MEIKIN: variants seen among roughly 807,000 people sequenced by gnomAD.
MEIKIN encodes the protein meiotic kinetochore factor, also known as meiosis-specific kinetochore protein.
At chr5:131,862,675 G>A (rs113805194) in intron 9 of MEIKIN, among the ~76,000 whole-genome samples, 1,603 of 151,946 alleles carry the variant, frequency 0.011, 16 homozygotes, top group Admixed American at 0.015. Context: ...TTGGTGTTTC[G>A]TATTTCAATT....
chr5:131,820,910 T>G (rs1411370640), intron 11 of MEIKIN, among the ~76,000 whole-genome samples: 1 of 152,160 alleles, frequency 6.6e-6, no homozygotes, highest in Non-Finnish European at 1.5e-5. Flanking sequence ...TTTTTCTTAG[T>G]CTGGCTAATG....
At chr5:131,848,231 A>G (rs1387468615) in intron 11 of MEIKIN, among the ~76,000 whole-genome samples, 1 of 152,100 alleles carries the variant, frequency 6.6e-6, no homozygotes, top group African/African-American at 2.4e-5. Context: ...AATCAATCAA[A>G]CCAAAATTGG....
At chr5:131,925,664 TTTTTTTG>T (rs1240147814) in intron 5 of MEIKIN, among the ~76,000 whole-genome samples, 3 of 151,938 alleles carry the variant, frequency 2.0e-5, no homozygotes, top group African/African-American at 7.3e-5. Flanking sequence ...GTTTTTGTGT[TTTTTTTG>T]TTTTTTGTTT....
chr5:131,862,442 T>C (rs1750302880), intron 9 of MEIKIN, among the ~76,000 whole-genome samples: 1 of 152,178 alleles, frequency 6.6e-6, no homozygotes, highest in African/African-American at 2.4e-5. Flanking sequence ...ATTTCATTTC[T>C]TTCTGCTCTG....
chr5:131,868,675 C>T (rs944215290), intron 9 of MEIKIN, among the ~76,000 whole-genome samples: 5 of 149,678 alleles, frequency 3.3e-5, no homozygotes, highest in African/African-American at 1.2e-4. Context: ...CAGGCTCATG[C>T]GATCCTCCCA....
intron 8 of MEIKIN, among the ~76,000 whole-genome samples, chr5:131,897,237 T>G (rs562936195): frequency 1.1e-4 from 17 of 152,356 alleles, no homozygotes; most frequent in African/African-American, 4.1e-4. Context: ...TTGTAGAGTT[T>G]CTGCCAAGAG....
In MEIKIN at chr5:131,851,399, T is replaced by A. The variant is rs1339836592; in HGVS notation, c.856-16A>T. 2.5e-6 allele frequency: 1 copy of A among 397,560 alleles called. No homozygotes were observed. Among genetic ancestry groups the A allele is most frequent in the African/African-American group, 2.1e-5 (1 of 48,574 alleles). The allele number at this position is 397,560 out of a possible 1,614,324, so 24.6% of individuals were successfully genotyped here. On this transcript the variant is annotated splice_polypyrimidine_tract_variant and intron_variant, in intron 10 of 12. Transcript: ENST00000442687. ...ACAAATCAATCTATAAAAGAATACA[T>A]TATTGTTTTGTGGAAGTTAAACATT...
At chr5:131,918,841 A>G (rs529069222) in intron 6 of MEIKIN, among the ~76,000 whole-genome samples, 22 of 152,312 alleles carry the variant, frequency 1.4e-4, no homozygotes, top group East Asian at 7.7e-4. Flanking sequence ...TGTGACACCT[A>G]GAGTTTAGCA....
intron 8 of MEIKIN, among the ~76,000 whole-genome samples, chr5:131,909,493 G>C (rs1231097229): frequency 6.6e-6 from 1 of 152,100 alleles, no homozygotes; most frequent in Non-Finnish European, 1.5e-5. Flanking sequence ...AAGTCTCTAG[G>C]ACATTGGGCT....
chr5:131,842,885 C>A (rs1212572932), intron 11 of MEIKIN, among the ~76,000 whole-genome samples: 4 of 152,180 alleles, frequency 2.6e-5, no homozygotes, highest in Non-Finnish European at 5.9e-5. Context: ...TCCACACTGC[C>A]CTAGTAGAGG....
chr5:131,822,567 T>C (rs1749532917), intron 11 of MEIKIN, among the ~76,000 whole-genome samples: 1 of 152,192 alleles, frequency 6.6e-6, no homozygotes, highest in Non-Finnish European at 1.5e-5. Context: ...AAAAATAATA[T>C]TAAAACTCTA....
chr5:131,883,610 G>A (rs1032385672), intron 8 of MEIKIN, among the ~76,000 whole-genome samples: 2 of 152,180 alleles, frequency 1.3e-5, no homozygotes, highest in African/African-American at 4.8e-5. Context: ...AAGCAAGATG[G>A]CCGAACAGAA....
At chr5:131,927,319 T>A (rs1751603030) in intron 5 of MEIKIN, among the ~76,000 whole-genome samples, 1 of 152,236 alleles carries the variant, frequency 6.6e-6, no homozygotes. Flanking sequence ...TGTTCCATTA[T>A]GGTCAGAAAA....
intron 9 of MEIKIN, among the ~76,000 whole-genome samples, chr5:131,867,011 C>G (rs1170702934): frequency 6.6e-6 from 1 of 152,120 alleles, no homozygotes; most frequent in Non-Finnish European, 1.5e-5. Context: ...CCTGCATATT[C>G]ATCCAGTTAC....
At chr5:131,941,142 C>CTT (rs397999274) in intron 4 of MEIKIN, among the ~76,000 whole-genome samples, 1,308 of 59,734 alleles carry the variant, frequency 0.022, 264 homozygotes, top group African/African-American at 0.054. Context: ...AGATCTCTTC[C>CTT]TTTTTTTTTT....
At chr5:131,834,000 C>T (rs1470416225) in intron 11 of MEIKIN, among the ~76,000 whole-genome samples, 1 of 152,098 alleles carries the variant, frequency 6.6e-6, no homozygotes, top group African/African-American at 2.4e-5. Flanking sequence ...CACACTCTAC[C>T]TACCTAAGAA....
intron 9 of MEIKIN, among the ~76,000 whole-genome samples, chr5:131,874,217 T>C (rs903169281): frequency 3.3e-5 from 5 of 152,062 alleles, no homozygotes; most frequent in African/African-American, 1.2e-4. Flanking sequence ...GCTGGTTTTT[T>C]GAAAAGATCA....
At chr5:131,854,136 C>T in intron 10 of MEIKIN, among the ~76,000 whole-genome samples, 1 of 152,144 alleles carries the variant, frequency 6.6e-6, no homozygotes, top group Admixed American at 6.5e-5. Context: ...GTGTCATATA[C>T]ATACAATGGA....
intron 11 of MEIKIN, among the ~76,000 whole-genome samples, chr5:131,834,074 C>T (rs1580864303): frequency 6.6e-6 from 1 of 152,088 alleles, no homozygotes; most frequent in South Asian, 2.1e-4. Flanking sequence ...GTAGTGGATA[C>T]TAAAACAAAC....
Sources: gnomAD v4.1 joint callset for allele counts (sites outside exome capture counted in the v4.1 genomes callset) on GRCh38, gnomAD v4.1.1 for gene constraint, MANE v1.5 for transcripts, NCBI Gene and HGNC (gene_info 2026-07-23, HGNC 2026-07-21) for gene names.